Variants in TBXAS1 observed in about 807,000 individuals in gnomAD.
The protein encoded by TBXAS1 is thromboxane-A synthase.
TBXAS1 carries 48 observed loss-of-function variants against 60.7 expected under a neutral mutation model. The observed-to-expected ratio is 0.79, with a 90% CI of 0.63 to 1.01. The LOEUF (loss-of-function observed/expected upper bound fraction) is 1.01. Among genes scored for constraint, TBXAS1 ranks in the 50% least tolerant of loss-of-function variants. The pLI, the probability that TBXAS1 is intolerant of heterozygous loss-of-function variation, is 0.00. For missense variants in TBXAS1, 685 were observed against 686.3 expected, an observed-to-expected ratio of 1.00 and a Z score of 0.02; for synonymous variants, 287 against 269.7, an observed-to-expected ratio of 1.06 and a Z score of -0.63.
rs947051043 is a variant in TBXAS1, at chr7:139,950,706, C to T, written c.451-2662C>T. On this transcript the variant is annotated intron_variant, in intron 5 of 12. Coordinates refer to ENST00000448866, the MANE Select transcript of TBXAS1 (RefSeq NM_001061.7). ...CCCCCTCGCCCTCCATCTACGGGAC[C>T]CCCTCGCCCTCCATCTACGGGACCC... 8.0e-4 allele frequency among the ~76,000 whole-genome samples: 116 copies of T among 145,210 alleles called. No homozygotes were observed. In the Middle Eastern group the frequency reaches 0.015, roughly 18 times the overall value.
chr7:139,986,739 ACATACATATATATATATGTGTGTGTGTG>A (rs139981876), intron 9 of TBXAS1, among the ~76,000 whole-genome samples: 3 of 41,608 alleles, frequency 7.2e-5, no homozygotes, highest in Admixed American at 4.0e-4. Flanking sequence ...ATATATATAT[ACATACATATATATATATGTGTGTGTGTG>A]TGTGTGTGTG....
Position 139,976,498 on chromosome 7 carries a change from C to G in TBXAS1, c.1134+14265C>G, listed in dbSNP as rs1026389874. Among the ~76,000 whole-genome samples the G allele has an allele frequency of 3.3e-5, 5 of 152,188 alleles. No homozygotes were observed. The East Asian group carries it at 9.6e-4, about 29-fold the overall frequency. ...TCAGGGTTATAAAATAGACGCCAGCCTTCTTGTAGGTAGAATCTGACTTCA... is the reference window on the plus strand; with the variant it reads ...TCAGGGTTATAAAATAGACGCCAGCGTTCTTGTAGGTAGAATCTGACTTCA... On this transcript the variant is annotated intron_variant, in intron 9 of 12. Transcript: ENST00000448866.
At chr7:139,808,967 G>A (rs1284581903) in intron 4 of TBXAS1, among the ~76,000 whole-genome samples, 21 of 133,996 alleles carry the variant, frequency 1.6e-4, no homozygotes, top group Non-Finnish European at 2.9e-4. Context: ...GAAACAGAGT[G>A]CCAGGTCTTC....
At chr7:139,905,038 T>TC (rs1491361170) in intron 3 of TBXAS1, among the ~76,000 whole-genome samples, 1 of 89,370 alleles carries the variant, frequency 1.1e-5, no homozygotes, top group Non-Finnish European at 2.2e-5. Context: ...TTTCTTTCTT[T>TC]CTTTCTTTCT....
In TBXAS1 at chr7:140,015,790, G is replaced by A; in HGVS notation, c.1294G>A (p.Glu432Lys). ...GCGCATCCCCGCAGGCGCTGTGCTA[G>A]AGATGGCCGTGGGTGCCCTGCACCA... Reference protein sequence around the residue: ...GQRIPAGAVLEMAVGALHHDP... With the variant: ...GQRIPAGAVLKMAVGALHHDP... The change falls in exon 11 of 13, where the codon GAG (glutamate) becomes AAG (lysine). Residue 432 changes from glutamate (E) to lysine (K), a missense_variant. Physicochemically the swap from Glu to Lys is moderately conservative, Grantham distance 56 (BLOSUM62 1). Coordinates refer to ENST00000448866, the MANE Select transcript of TBXAS1 (RefSeq NM_001061.7). 1 of 1,613,762 alleles carries A rather than the reference G, an allele frequency of 6.2e-7. No individual in the cohort carries two copies. Among genetic ancestry groups the A allele is most frequent in the Non-Finnish European group, 8.5e-7 (1 of 1,180,038 alleles).
upstream of TBXAS1, among the ~76,000 whole-genome samples, chr7:139,828,041 A>G (rs1396218483): frequency 6.6e-6 from 1 of 152,100 alleles, no homozygotes. Flanking sequence ...AGATGGCTGC[A>G]GAAGTTTTCC....
At chr7:139,894,983 A>C (rs1429303314) in intron 3 of TBXAS1, among the ~76,000 whole-genome samples, 1 of 152,216 alleles carries the variant, frequency 6.6e-6, no homozygotes, top group African/African-American at 2.4e-5. Flanking sequence ...CAAGAATGCC[A>C]GGTAGTATAG....
intron 1 of TBXAS1, among the ~76,000 whole-genome samples, chr7:139,870,278 A>T (rs981310432): frequency 6.6e-6 from 1 of 152,244 alleles, no homozygotes; most frequent in African/African-American, 2.4e-5. Flanking sequence ...TTAGGCACAG[A>T]CTTCTTGTCC....
chr7:139,886,386 ATTTTTTTTTTTTT>A (rs8192818), intron 3 of TBXAS1, among the ~76,000 whole-genome samples: 9 of 99,636 alleles, frequency 9.0e-5, no homozygotes, highest in African/African-American at 3.3e-4. Flanking sequence ...TTGCAGATGA[ATTTTTTTTTTTTT>A]TTTTTTTTTT....
chr7:139,836,202 T>C (rs1352195189), intron 1 of TBXAS1, among the ~76,000 whole-genome samples: 1 of 152,182 alleles, frequency 6.6e-6, no homozygotes, highest in South Asian at 2.1e-4. Context: ...TCCATGTTCA[T>C]GGATGAGTAG....
chr7:140,019,779 C>G (rs945231643), intron 12 of TBXAS1, among the ~76,000 whole-genome samples: 2 of 152,224 alleles, frequency 1.3e-5, no homozygotes, highest in Non-Finnish European at 2.9e-5. Context: ...CAGCATGAAG[C>G]TGCTTTCCCC....
In TBXAS1 at chr7:140,015,839, C is replaced by T. The variant is rs773129737; in HGVS notation, c.1343C>T (p.Pro448Leu). 1.3e-5 allele frequency: 21 copies of T among 1,613,722 alleles called. No individual in the cohort carries two copies. Among genetic ancestry groups the T allele is most frequent in the Admixed American group, 1.0e-4 (6 of 60,004 alleles). The change falls in exon 11 of 13, where the codon CCG becomes CTG. Residue 448 changes from proline (P) to leucine (L), a missense_variant. Coordinates refer to ENST00000448866, the MANE Select transcript of TBXAS1 (RefSeq NM_001061.7). ...CATGACCCTGAGCACTGGCCAAGCCCGGAGACCTTCAACCCTGAAAGGTGA... is the reference window on the plus strand; with the variant it reads ...CATGACCCTGAGCACTGGCCAAGCCTGGAGACCTTCAACCCTGAAAGGTGA... ...LHHDPEHWPS[P>L]ETFNPERFTA...
intron 9 of TBXAS1, among the ~76,000 whole-genome samples, chr7:139,983,661 T>C (rs1427046017): frequency 3.3e-5 from 5 of 152,200 alleles, no homozygotes; most frequent in African/African-American, 1.2e-4. Context: ...CATACAGAAC[T>C]TTCTGGGATC....
Position 139,937,947 on chromosome 7 carries a change from A to G in TBXAS1, c.450+1640A>G, listed in dbSNP as rs139838671. On this transcript the variant is annotated intron_variant, in intron 5 of 12. Coordinates refer to ENST00000448866, the MANE Select transcript of TBXAS1 (RefSeq NM_001061.7). ...AGCTGGGGGGTGGGGGAGGGTCAGA[A>G]GCAAAACTTCTCTATTTTCTGCCTA... Among the ~76,000 whole-genome samples, 76 of 152,206 alleles carry G rather than the reference A, an allele frequency of 5.0e-4. No individual in the cohort carries two copies. The Middle Eastern group carries it at 0.024, about 48-fold the overall frequency.
chr7:139,881,883 C>T (rs912330066), intron 3 of TBXAS1, among the ~76,000 whole-genome samples: 11 of 152,160 alleles, frequency 7.2e-5, no homozygotes, highest in Admixed American at 7.2e-4. Context: ...AATTAGCTAG[C>T]ATGCATGAAC....
intron 9 of TBXAS1, among the ~76,000 whole-genome samples, chr7:139,989,968 A>G (rs1490949262): frequency 5.3e-5 from 8 of 152,120 alleles, no homozygotes; most frequent in Admixed American, 5.2e-4. Flanking sequence ...CTCCCTTAAC[A>G]CTGTGAGCTC....
rs1813547197 is a variant in TBXAS1 at position 139,999,924 on chromosome 7, C to T, written c.1135-7167C>T. 6.6e-6 allele frequency among the ~76,000 whole-genome samples: 1 copy of T among 152,116 alleles called. No homozygotes were observed. Among genetic ancestry groups the T allele is most frequent in the Non-Finnish European group, 1.5e-5 (1 of 68,000 alleles). On this transcript the variant is annotated intron_variant, in intron 9 of 12. Coordinates refer to ENST00000448866, the MANE Select transcript of TBXAS1 (RefSeq NM_001061.7). This position sits in a 1 kb window ranked among gnomAD's most constrained non-coding sequence, Gnocchi z 4.3. The stretch of plus-strand genomic sequence containing the variant: ...TTTTTCTATTAGGTCCGTGAATCTC[C>T]AGGAAAAATCTTTGTGAAAGCAATG...
intron 5 of TBXAS1, among the ~76,000 whole-genome samples, chr7:139,951,049 T>A (rs989278135): frequency 6.6e-6 from 1 of 152,146 alleles, no homozygotes; most frequent in Non-Finnish European, 1.5e-5. Context: ...CGGCCAGCTG[T>A]CCCACTCTAC....
chr7:139,846,427 C>T (rs1199328100), intron 1 of TBXAS1, among the ~76,000 whole-genome samples: 1 of 152,156 alleles, frequency 6.6e-6, no homozygotes, highest in African/African-American at 2.4e-5. Context: ...CTAATAGTAC[C>T]TACCTCTTAG....
Sources: gnomAD v4.1 joint callset for allele counts (sites outside exome capture counted in the v4.1 genomes callset) on GRCh38, gnomAD v4.1.1 for gene constraint, Gnocchi (gnomAD v3.1) non-coding constraint, MANE v1.5 for transcripts, NCBI Gene and HGNC (gene_info 2026-07-23, HGNC 2026-07-21) for gene names.